Variants in ZNF277 observed in about 807,000 individuals in gnomAD.
The protein encoded by ZNF277 is zinc finger protein 277, also known as nuclear receptor-interacting factor 4.
A neutral mutation model predicts 60.7 loss-of-function variants in ZNF277; 55 were observed. The ratio of observed to expected loss-of-function variants is 0.91; its 90% confidence interval spans 0.73 to 1.13. The LOEUF is 1.13. Ranked by LOEUF, ZNF277 falls within the 50% of genes most tolerant of loss-of-function variation. The pLI is 0.00. For synonymous variants in ZNF277, 178 were observed against 179.3 expected (o/e 0.99, Z 0.06); for missense variants, 510 against 523.0 (o/e 0.98, Z 0.24).
intron 4 of ZNF277, among the ~76,000 whole-genome samples, chr7:112,307,224 G>A (rs529103860): frequency 6.6e-6 from 1 of 152,128 alleles, no homozygotes; most frequent in South Asian, 2.1e-4. Flanking sequence ...GACCCCTTGT[G>A]TCTAGGACTC....
chr7:112,247,022 C>G (rs1396405689), intron 1 of ZNF277, among the ~76,000 whole-genome samples: 1 of 152,128 alleles, frequency 6.6e-6, no homozygotes, highest in African/African-American at 2.4e-5. Context: ...ACAAATTAAC[C>G]TAATAATGCC....
chr7:112,318,287 C>A lies in ZNF277; in HGVS notation c.557+14C>A. 6.2e-7 allele frequency: 1 copy of A among 1,603,272 alleles called. No homozygotes were observed. The highest frequency in any genetic ancestry group is 8.5e-7 in the Non-Finnish European group (1 of 1,170,494). ...CCTTGGAAACAGGTTTGCCATTTTG[C>A]ATCTTTAAATGTTACTGTTTTTAAT... On this transcript the variant is annotated intron_variant, in intron 5 of 11. Transcript: ENST00000361822.
chr7:112,238,780 A>G (rs1441492625), intron 1 of ZNF277, among the ~76,000 whole-genome samples: 1 of 119,668 alleles, frequency 8.4e-6, no homozygotes, highest in African/African-American at 2.9e-5. Context: ...TGGCTCCTGG[A>G]TGATATTTTT....
intron 11 of ZNF277, among the ~76,000 whole-genome samples, chr7:112,342,151 G>C (rs1793456422): frequency 6.6e-6 from 1 of 152,144 alleles, no homozygotes; most frequent in Non-Finnish European, 1.5e-5. Context: ...TAGGACCTTT[G>C]AGTAGAAATG....
intron 9 of ZNF277, among the ~76,000 whole-genome samples, chr7:112,339,055 T>G (rs1793389950): frequency 6.6e-6 from 1 of 152,146 alleles, no homozygotes; most frequent in Admixed American, 6.5e-5. Context: ...TATAGGAAGG[T>G]GTGAGTGAAG....
chr7:112,277,953 G>A (rs1376915013), intron 1 of ZNF277, among the ~76,000 whole-genome samples: 1 of 152,132 alleles, frequency 6.6e-6, no homozygotes, highest in African/African-American at 2.4e-5. Flanking sequence ...ACTGCCATAG[G>A]ATCATTTGTT....
intron 4 of ZNF277, among the ~76,000 whole-genome samples, chr7:112,314,838 G>C (rs984382728): frequency 2.0e-5 from 3 of 152,036 alleles, no homozygotes; most frequent in Non-Finnish European, 2.9e-5. Flanking sequence ...CAAGTACAGA[G>C]TATTGTGAAT....
chr7:112,296,060 A>G (rs1792319332), intron 3 of ZNF277, 103 bp downstream of exon 3: 1 of 1,087,778 alleles, frequency 9.2e-7, no homozygotes, highest in South Asian at 1.4e-5. Context: ...CATGATAGAT[A>G]AAATTAAATT....
rs1489407345 is a variant in ZNF277, at chr7:112,339,886, G to C, written c.1009+1G>C. ...CTTCTCAAAATAAAGTCAGAACTTG[G>C]TAAGTTTGATTCAGAGGTTTTTTTC... On this transcript the variant is annotated splice_donor_variant, in intron 10 of 11. Transcript: ENST00000361822. LOFTEE classifies it high-confidence loss of function. The C allele has an allele frequency of 6.2e-7, 1 of 1,609,554 alleles. No individual in the cohort carries two copies. Among genetic ancestry groups the C allele is most frequent in the South Asian group, 1.1e-5 (1 of 91,044 alleles).
In ZNF277 at chr7:112,244,074, C is replaced by T. The variant is rs543052358; in HGVS notation, c.91+37267C>T. On this transcript the variant is annotated intron_variant, in intron 1 of 11. Coordinates refer to ENST00000361822, the MANE Select transcript of ZNF277 (RefSeq NM_021994.3). Reference sequence around the variant, plus strand: ...CAGAAAGTCAAATACCACACGTTCTCACTTATAAGTGGGTGCTAAATAATG... The same window carrying T: ...CAGAAAGTCAAATACCACACGTTCTTACTTATAAGTGGGTGCTAAATAATG... 2.0e-5 allele frequency among the ~76,000 whole-genome samples: 3 copies of T among 152,170 alleles called. No homozygotes were observed. The South Asian group carries it at 6.2e-4, about 32-fold the overall frequency.
chr7:112,342,538 T>A, intron 11 of ZNF277, 23 bp from the exon 12 acceptor site: 1 of 1,577,382 alleles, frequency 6.3e-7, no homozygotes, highest in Non-Finnish European at 8.6e-7. Flanking sequence ...AATTTAATAC[T>A]ATGTATCTGT....
At chr7:112,263,404 C>A (rs183445920) in intron 1 of ZNF277, among the ~76,000 whole-genome samples, 1 of 152,196 alleles carries the variant, frequency 6.6e-6, no homozygotes, top group Non-Finnish European at 1.5e-5. Flanking sequence ...ATGATTCTTA[C>A]TACTTAACAA....
intron 1 of ZNF277, among the ~76,000 whole-genome samples, chr7:112,270,906 A>G (rs1584363724): frequency 1.3e-5 from 2 of 152,070 alleles, no homozygotes; most frequent in African/African-American, 2.4e-5. Flanking sequence ...AAAATAAAAT[A>G]AAAATAAAAA....
rs182221657 is a variant in ZNF277, at chr7:112,339,478, C to T, written c.967-365C>T. 2.5e-3 allele frequency among the ~76,000 whole-genome samples: 382 copies of T among 152,268 alleles called. 1 individual carries two copies. Among genetic ancestry groups the T allele is most frequent in the South Asian group, 6.8e-3 (33 of 4,822 alleles). The stretch of plus-strand genomic sequence containing the variant: ...GGATTACAGGCACCCACCACCACAC[C>T]CAGCCAATTTTTGTATTTTTAGTAG... On this transcript the variant is annotated intron_variant, in intron 9 of 11. Transcript: ENST00000361822.
chr7:112,246,282 G>A (rs967013007), intron 1 of ZNF277, among the ~76,000 whole-genome samples: 1 of 152,054 alleles, frequency 6.6e-6, no homozygotes, highest in African/African-American at 2.4e-5. Context: ...CAGCTACTCA[G>A]AAATAGAAAG....
At chr7:112,273,392 A>G (rs538404774) in intron 1 of ZNF277, among the ~76,000 whole-genome samples, 1 of 152,278 alleles carries the variant, frequency 6.6e-6, no homozygotes, top group East Asian at 1.9e-4. Flanking sequence ...CCAAACATAC[A>G]GATTCTCTCT....
intron 1 of ZNF277, among the ~76,000 whole-genome samples, chr7:112,259,078 A>C (rs1461833407): frequency 6.6e-6 from 1 of 152,098 alleles, no homozygotes; most frequent in East Asian, 1.9e-4. Flanking sequence ...GATATTAACC[A>C]TCTGTATTAA....
intron 5 of ZNF277, among the ~76,000 whole-genome samples, chr7:112,319,381 G>A (rs1584407154): frequency 6.6e-6 from 1 of 152,094 alleles, no homozygotes; most frequent in Middle Eastern, 3.4e-3. Context: ...GAGACAAAGA[G>A]CAGACACATT....
chr7:112,242,588 A>G lies in ZNF277; in HGVS notation c.91+35781A>G, dbSNP rs184549801. 8.7e-3 allele frequency among the ~76,000 whole-genome samples: 1,321 copies of G among 151,374 alleles called. 17 individuals carry two copies. The highest frequency in any genetic ancestry group is 0.03 in the African/African-American group (1,238 of 41,166). ...AAAAAAAAAAACAAAATAAAATAAA[A>G]TACCTAGGAATACATTTAACCAAGG... On this transcript the variant is annotated intron_variant, in intron 1 of 11. Coordinates refer to ENST00000361822, the MANE Select transcript of ZNF277 (RefSeq NM_021994.3).
Sources: gnomAD v4.1 joint callset for allele counts (sites outside exome capture counted in the v4.1 genomes callset) on GRCh38, gnomAD v4.1.1 for gene constraint, MANE v1.5 for transcripts, NCBI Gene and HGNC (gene_info 2026-07-23, HGNC 2026-07-21) for gene names.